The following FOXP1 variants were observed in gnomAD, a reference collection of about 807,000 sequenced individuals.
The protein encoded by FOXP1 is forkhead box P1, also known as forkhead box protein P1.
Under a neutral mutation model 98.2 loss-of-function variants are expected in FOXP1, and 15 were observed. The ratio of observed to expected loss-of-function variants is 0.15; its 90% CI spans 0.10 to 0.24. FOXP1 has a LOEUF of 0.24. FOXP1 is among the 10% of genes least tolerant of loss of function. FOXP1 has a pLI of 1.00. For synonymous variants in FOXP1, 371 were observed against 314.5 expected (o/e 1.18, Z -1.90); for missense variants, 633 against 848.5 (o/e 0.75, Z 3.15).
At chr3:71,233,261 G>A (rs2066481848) in intron 5 of FOXP1, among the ~76,000 whole-genome samples, 2 of 141,994 alleles carry the variant, frequency 1.4e-5, no homozygotes, top group Non-Finnish European at 3.1e-5. Context: ...GAGGGAAGGG[G>A]AGGAGAGAGG....
chr3:71,177,807 T>C (rs2108261011), intron 6 of FOXP1, among the ~76,000 whole-genome samples: 1 of 151,440 alleles, frequency 6.6e-6, no homozygotes, highest in East Asian at 1.9e-4. Flanking sequence ...TTACTACTAA[T>C]AATACTGATA....
chr3:71,273,788 T>A (rs993768341), intron 5 of FOXP1, among the ~76,000 whole-genome samples: 4 of 152,166 alleles, frequency 2.6e-5, no homozygotes, highest in Admixed American at 2.6e-4. Flanking sequence ...GGTGAAGGAA[T>A]CAAATGCTCT....
intron 3 of FOXP1, among the ~76,000 whole-genome samples, chr3:71,476,119 A>G (rs2089815334): frequency 6.6e-6 from 1 of 152,230 alleles, no homozygotes; most frequent in African/African-American, 2.4e-5. Flanking sequence ...TGACTCTTCA[A>G]CTAGATATGT....
chr3:71,174,363 A>AGCTGCCTCTAAATAGCC (rs2061807123), intron 6 of FOXP1, among the ~76,000 whole-genome samples: 1 of 152,114 alleles, frequency 6.6e-6, no homozygotes, highest in South Asian at 2.1e-4. Flanking sequence ...GCTTGAGCCC[A>AGCTGCCTCTAAATAGCC]GCTGCCTCTA....
intron 3 of FOXP1, among the ~76,000 whole-genome samples, chr3:71,397,090 A>G (rs1314666498): frequency 3.1e-5 from 3 of 96,586 alleles, no homozygotes; most frequent in Non-Finnish European, 4.5e-5. Context: ...ATATGTGTAT[A>G]TATATATATA....
At chr3:71,139,840 T>C (rs989482945) in intron 6 of FOXP1, among the ~76,000 whole-genome samples, 3 of 152,214 alleles carry the variant, frequency 2.0e-5, no homozygotes, top group Non-Finnish European at 4.4e-5. Flanking sequence ...TAGAAGTTGC[T>C]TTCCGGACTG....
chr3:71,108,713 C>T (rs1369544208), intron 7 of FOXP1, among the ~76,000 whole-genome samples: 1 of 152,034 alleles, frequency 6.6e-6, no homozygotes, highest in Non-Finnish European at 1.5e-5. Context: ...TGCAGTGAGC[C>T]GAGATCGCTC....
chr3:71,456,165 A>C (rs1381833401), intron 3 of FOXP1, among the ~76,000 whole-genome samples: 1 of 152,158 alleles, frequency 6.6e-6, no homozygotes, highest in Non-Finnish European at 1.5e-5. Context: ...CTTCCCTAGC[A>C]AAGATATATG....
intron 2 of FOXP1, among the ~76,000 whole-genome samples, chr3:71,556,576 C>CA (rs757217111): frequency 0.33 from 9,714 of 29,530 alleles, 2,321 homozygotes; most frequent in Non-Finnish European, 0.41. Context: ...GACTCCGTCT[C>CA]AAAAAAAAAA....
chr3:71,401,716 T>G (rs1280503590), intron 3 of FOXP1, among the ~76,000 whole-genome samples: 1 of 152,208 alleles, frequency 6.6e-6, no homozygotes, highest in Non-Finnish European at 1.5e-5. Flanking sequence ...ACTAATTGGT[T>G]GATACCTTCC....
At chr3:71,327,950 A>G (rs920613164) in intron 4 of FOXP1, among the ~76,000 whole-genome samples, 2 of 152,132 alleles carry the variant, frequency 1.3e-5, no homozygotes, top group Admixed American at 1.3e-4. Flanking sequence ...TATTCCCCCA[A>G]CCTCTCTACA....
intron 3 of FOXP1, among the ~76,000 whole-genome samples, chr3:71,406,158 C>A (rs2082308085): frequency 6.6e-6 from 1 of 152,000 alleles, no homozygotes; most frequent in Admixed American, 6.6e-5. Context: ...TGCTGTGTAA[C>A]AAATTCCTGC....
At chr3:71,519,011 C>A (rs1441515502) in intron 2 of FOXP1, among the ~76,000 whole-genome samples, 1 of 152,172 alleles carries the variant, frequency 6.6e-6, no homozygotes, top group African/African-American at 2.4e-5. Flanking sequence ...TTTGGGAGGC[C>A]GAGACGGGCG....
Position 71,076,145 on chromosome 3 carries a change from C to T in FOXP1, c.283-22372G>A, listed in dbSNP as rs79697450. Among the ~76,000 whole-genome samples, 533 of 152,206 alleles carry T rather than the reference C, an allele frequency of 3.5e-3. 2 individuals are homozygous for T. Among genetic ancestry groups the T allele is most frequent in the African/African-American group, 0.012 (503 of 41,520 alleles). On this transcript the variant is annotated intron_variant, in intron 7 of 20. Coordinates refer to ENST00000649528, the MANE Select transcript of FOXP1 (RefSeq NM_001349338.3). ...TATTTTTTCAATGTTTTGTTACTCACGGTGGAGCCTGTCTCCAGAAAGGCT... is the reference window on the plus strand; with the variant it reads ...TATTTTTTCAATGTTTTGTTACTCATGGTGGAGCCTGTCTCCAGAAAGGCT...
intron 6 of FOXP1, among the ~76,000 whole-genome samples, chr3:71,183,831 G>GA (rs2062479163): frequency 6.6e-6 from 1 of 152,082 alleles, no homozygotes; most frequent in African/African-American, 2.4e-5. Context: ...AAGTACTTTA[G>GA]GGGTGGGTCC....
chr3:70,984,073 C>A (rs2039330355), intron 14 of FOXP1, among the ~76,000 whole-genome samples: 1 of 152,274 alleles, frequency 6.6e-6, no homozygotes, highest in African/African-American at 2.4e-5. Flanking sequence ...AGAATAGAAT[C>A]TTTTAAAATA....
At chr3:71,573,982 G>A (rs1422335313) in intron 2 of FOXP1, 2 of 152,206 alleles carry the variant, frequency 1.3e-5, no homozygotes, top group Non-Finnish European at 2.9e-5. Flanking sequence ...ACCAGTGACA[G>A]TGGTAACTAT....
intron 5 of FOXP1, among the ~76,000 whole-genome samples, chr3:71,205,138 A>G (rs1331590527): frequency 6.6e-6 from 1 of 152,238 alleles, no homozygotes; most frequent in Non-Finnish European, 1.5e-5. Context: ...AGCTACAATG[A>G]ATGCAAAGTA....
At chr3:71,164,786 C>T (rs1010516036) in intron 6 of FOXP1, among the ~76,000 whole-genome samples, 7 of 152,146 alleles carry the variant, frequency 4.6e-5, no homozygotes, top group African/African-American at 1.7e-4. Context: ...TCCCTTCATT[C>T]GGAAACTAAG....
Sources: allele counts gnomAD v4.1 joint callset (sites outside exome capture counted in the v4.1 genomes callset), GRCh38; gene constraint gnomAD v4.1.1; transcripts MANE v1.5; gene names NCBI Gene and HGNC (gene_info 2026-07-23, HGNC 2026-07-21).